Variants in RAP1GDS1 observed in about 807,000 individuals in gnomAD.
RAP1GDS1 encodes RAP1, GTP-GDP dissociation stimulator 1.
RAP1GDS1 carries 35 observed loss-of-function variants against 71.1 expected under a neutral mutation model. The observed-to-expected ratio is 0.49, with a 90% CI of 0.38 to 0.65. The LOEUF is 0.65. RAP1GDS1 is among the 30% of genes least tolerant of loss of function. The pLI is 0.00. For synonymous variants in RAP1GDS1, 229 were observed against 243.1 expected, an observed-to-expected ratio of 0.94 and a Z score of 0.54; for missense variants, 663 against 706.1, an observed-to-expected ratio of 0.94 and a Z score of 0.69.
intron 7 of RAP1GDS1, among the ~76,000 whole-genome samples, chr4:98,406,941 A>G (rs1287491696): frequency 6.6e-6 from 1 of 152,146 alleles, no homozygotes; most frequent in African/African-American, 2.4e-5. Flanking sequence ...AGTGAAAATG[A>G]AAATGCTATA....
At chr4:98,308,316 T>TAA (rs1372514480) in intron 2 of RAP1GDS1, among the ~76,000 whole-genome samples, 2 of 133,014 alleles carry the variant, frequency 1.5e-5, no homozygotes, top group African/African-American at 5.8e-5. Flanking sequence ...TATATATATA[T>TAA]ATATATATAT....
At chr4:98,278,832 GT>G (rs1431496797) in intron 1 of RAP1GDS1, among the ~76,000 whole-genome samples, 2 of 152,120 alleles carry the variant, frequency 1.3e-5, no homozygotes, top group African/African-American at 4.8e-5. Flanking sequence ...ACCAAGATCT[GT>G]TGGATTTTTT....
Position 98,429,934 on chromosome 4 carries a change from C to T in RAP1GDS1, c.1441-4002C>T, listed in dbSNP as rs534510890. Among the ~76,000 whole-genome samples the T allele has an allele frequency of 5.5e-4, 83 of 152,032 alleles. 1 individual carries two copies. In the South Asian group the frequency reaches 0.017, roughly 31 times the overall value. On this transcript the variant is annotated intron_variant, in intron 12 of 14. Coordinates refer to ENST00000408927, the MANE Select transcript of RAP1GDS1 (RefSeq NM_001100427.2). ...ATTACATAACCAAACCATTCATGGA[C>T]ACAAAAATATGTCCACAGGAAGATA...
chr4:98,408,066 T>C, intron 7 of RAP1GDS1, among the ~76,000 whole-genome samples: 1 of 151,350 alleles, frequency 6.6e-6, no homozygotes, highest in Non-Finnish European at 1.5e-5. Context: ...GAGGATATTA[T>C]GAACAATTTG....
In RAP1GDS1 at chr4:98,289,888, C is replaced by T. The variant is rs73834408; in HGVS notation, c.5-3520C>T. Among the ~76,000 whole-genome samples the T allele has an allele frequency of 5.0e-3, 753 of 152,104 alleles. 7 individuals carry two copies. Among genetic ancestry groups the T allele is most frequent in the South Asian group, 0.018 (86 of 4,816 alleles). ...CTGTATTCTAGGTACTTGAAAACCA[C>T]ATTAGCACAGAAATATTTTTTTTTT... On this transcript the variant is annotated intron_variant, in intron 1 of 14. Transcript: ENST00000408927.
chr4:98,295,281 G>A (rs181229475), intron 2 of RAP1GDS1, among the ~76,000 whole-genome samples: 212 of 152,162 alleles, frequency 1.4e-3, no homozygotes, highest in Non-Finnish European at 2.6e-3. Flanking sequence ...TTAAGGCCAC[G>A]TAACCACAAG....
chr4:98,325,251 T>G (rs566913062), intron 2 of RAP1GDS1, among the ~76,000 whole-genome samples: 2 of 150,616 alleles, frequency 1.3e-5, no homozygotes, highest in South Asian at 4.2e-4. Flanking sequence ...AGAATGGCAA[T>G]CATTAAAAAG....
At chr4:98,299,533 C>T (rs189436731) in intron 2 of RAP1GDS1, among the ~76,000 whole-genome samples, 5 of 152,022 alleles carry the variant, frequency 3.3e-5, no homozygotes, top group African/African-American at 1.2e-4. Flanking sequence ...AGAAGTGGCA[C>T]TTCAAGATGT....
At chr4:98,336,592 T>C (rs1734750664) in intron 2 of RAP1GDS1, among the ~76,000 whole-genome samples, 1 of 152,222 alleles carries the variant, frequency 6.6e-6, no homozygotes, top group South Asian at 2.1e-4. Context: ...CTGCTATCTT[T>C]CTTTTCATGA....
At chr4:98,390,626 A>G (rs1743470141) in intron 5 of RAP1GDS1, among the ~76,000 whole-genome samples, 1 of 152,172 alleles carries the variant, frequency 6.6e-6, no homozygotes, top group East Asian at 1.9e-4. Flanking sequence ...AGCAGGAAGA[A>G]TTAACAACAA....
intron 4 of RAP1GDS1, among the ~76,000 whole-genome samples, chr4:98,363,478 C>CAAAAAAAAAAAAAAAAAAAAAAAAAAA (rs34393905): frequency 2.7e-5 from 1 of 37,734 alleles, no homozygotes; most frequent in African/African-American, 9.9e-5. Context: ...GACCCTGTCT[C>CAAAAAAAAAAAAAAAAAAAAAAAAAAA]AAAAAAAAAA....
At position 98,437,059 on chromosome 4, in the gene RAP1GDS1, A is replaced by G; in HGVS notation, c.1687A>G (p.Met563Val). ...TTCCATGGTCCTGATATGTGCTCTT[A>G]TGGGATCTGGTAAGTATTCTTCTAT... ...YNSMVLICAL[M>V]GSECLHKEVQ... Residue 563 changes from methionine (M) to valine (V), a missense_variant, in exon 14 of 15, where the codon ATG becomes GTG. Transcript: ENST00000408927. 2 of 1,601,418 alleles carry G rather than the reference A, an allele frequency of 1.2e-6. No individual in the cohort carries two copies. Among genetic ancestry groups the G allele is most frequent in the East Asian group, 2.2e-5 (1 of 44,488 alleles).
At chr4:98,379,371 C>T in intron 5 of RAP1GDS1, 1 of 474,408 alleles carries the variant, frequency 2.1e-6, no homozygotes. Flanking sequence ...GAAGGGCTGC[C>T]AGTTTTGATC....
intron 5 of RAP1GDS1, among the ~76,000 whole-genome samples, chr4:98,380,453 G>GT (rs1741840280): frequency 6.6e-6 from 1 of 151,698 alleles, no homozygotes; most frequent in African/African-American, 2.4e-5. Flanking sequence ...AGATAATAGA[G>GT]TTTTTATTGA....
At chr4:98,393,274 T>TAA (rs1186160287) in intron 6 of RAP1GDS1, among the ~76,000 whole-genome samples, 1 of 152,202 alleles carries the variant, frequency 6.6e-6, no homozygotes, top group East Asian at 1.9e-4. Context: ...TAGAAATTAT[T>TAA]AAAGTTATTT....
At position 98,379,002 on chromosome 4, in the gene RAP1GDS1, C is replaced by T; in HGVS notation, c.362-15C>T. The T allele has an allele frequency of 6.4e-7, 1 of 1,553,576 alleles. No homozygotes were observed. The highest frequency in any genetic ancestry group is 1.2e-5 in the South Asian group (1 of 81,016). ...CTTTTTTCTTTTATTTTTAATTTAA[C>T]TCTTTGTTTTACAGATGAGGGCAGA... On this transcript the variant is annotated splice_polypyrimidine_tract_variant and intron_variant, in intron 4 of 14. Coordinates refer to ENST00000408927, the MANE Select transcript of RAP1GDS1 (RefSeq NM_001100427.2).
At chr4:98,416,665 A>G in intron 7 of RAP1GDS1, 80 bp from the exon 8 acceptor site, 2 of 1,357,106 alleles carry the variant, frequency 1.5e-6, no homozygotes, top group Non-Finnish European at 2.0e-6. Context: ...AGTTTCTTAT[A>G]ATTCTTTATA....
chr4:98,309,235 G>GA (rs1729842015), intron 2 of RAP1GDS1, among the ~76,000 whole-genome samples: 1 of 151,898 alleles, frequency 6.6e-6, no homozygotes, highest in Non-Finnish European at 1.5e-5. Flanking sequence ...GAGGAAAAGA[G>GA]AAACACATTT....
At chr4:98,308,678 C>G (rs958929924) in intron 2 of RAP1GDS1, among the ~76,000 whole-genome samples, 2 of 151,940 alleles carry the variant, frequency 1.3e-5, no homozygotes, top group Non-Finnish European at 2.9e-5. Context: ...ATCTTTGAAT[C>G]AAGGTCATGC....
Sources: gnomAD v4.1 joint callset for allele counts (sites outside exome capture counted in the v4.1 genomes callset) on GRCh38, gnomAD v4.1.1 for gene constraint, MANE v1.5 for transcripts, NCBI Gene and HGNC (gene_info 2026-07-23, HGNC 2026-07-21) for gene names.